The following EPHA4 variants were observed in gnomAD, a reference collection of about 807,000 sequenced individuals.
EPHA4 encodes ephrin type-A receptor 4.
EPHA4 carries 19 observed loss-of-function variants against 108.3 expected under a neutral mutation model. That is an observed-to-expected ratio of 0.18 (90% CI 0.12 to 0.26). The LOEUF (loss-of-function observed/expected upper bound fraction) is 0.26. EPHA4 is among the 10% of genes least tolerant of loss of function. The pLI, the probability that EPHA4 is intolerant of heterozygous loss-of-function variation, is 1.00. For missense variants in EPHA4, 917 were observed against 1,254.0 expected, an observed-to-expected ratio of 0.73 and a Z score of 4.06; for synonymous variants, 449 against 455.5, an observed-to-expected ratio of 0.99 and a Z score of 0.18.
At chr2:221,451,270 C>T (rs1260262932) in intron 8 of EPHA4, among the ~76,000 whole-genome samples, 1 of 152,092 alleles carries the variant, frequency 6.6e-6, no homozygotes, top group Non-Finnish European at 1.5e-5. Flanking sequence ...CTAAAATAAT[C>T]TGAATTAATA....
In EPHA4 at chr2:221,424,057, T is replaced by C. The variant is rs146727414; in HGVS notation, c.*819+1152A>G. On this transcript the variant is annotated intron_variant, in intron 17 of 17. Transcript: ENST00000281821. Reference sequence around the variant, plus strand: ...TGAGCCCAGGAGGCCAAGGTTGCAGTGAGCCAAGATTGCACCACTGCACTC... The same window carrying C: ...TGAGCCCAGGAGGCCAAGGTTGCAGCGAGCCAAGATTGCACCACTGCACTC... Among the ~76,000 whole-genome samples the C allele has an allele frequency of 9.8e-3, 1,486 of 152,060 alleles. 30 individuals carry two copies. The highest frequency in any genetic ancestry group is 0.034 in the African/African-American group (1,414 of 41,478).
At chr2:221,459,948 T>G (rs1691089244) in intron 5 of EPHA4, among the ~76,000 whole-genome samples, 1 of 152,200 alleles carries the variant, frequency 6.6e-6, no homozygotes, top group African/African-American at 2.4e-5. Flanking sequence ...TGCCTGCCCT[T>G]GGAGTGCACT....
At chr2:221,474,854 C>T (rs1453471035) in intron 5 of EPHA4, among the ~76,000 whole-genome samples, 1 of 152,020 alleles carries the variant, frequency 6.6e-6, no homozygotes, top group Non-Finnish European at 1.5e-5. Flanking sequence ...GAAGATAAGG[C>T]ACAGGAGCAG....
intron 3 of EPHA4, among the ~76,000 whole-genome samples, chr2:221,520,660 T>C (rs1468369704): frequency 6.6e-6 from 1 of 152,096 alleles, no homozygotes; most frequent in African/African-American, 2.4e-5. Flanking sequence ...AGTTTTAAAC[T>C]GAGTAGCCAA....
At chr2:221,525,378 C>A (rs1693292678) in intron 3 of EPHA4, among the ~76,000 whole-genome samples, 1 of 152,122 alleles carries the variant, frequency 6.6e-6, no homozygotes, top group Non-Finnish European at 1.5e-5. Flanking sequence ...AACGAGTTAC[C>A]ATATGCTCCG....
chr2:221,518,444 G>A (rs1693053799), intron 3 of EPHA4, among the ~76,000 whole-genome samples: 1 of 152,126 alleles, frequency 6.6e-6, no homozygotes, highest in Non-Finnish European at 1.5e-5. Context: ...CAGATCCATA[G>A]CAGCTGCAAA....
At chr2:221,465,047 AT>A (rs3835971) in intron 5 of EPHA4, among the ~76,000 whole-genome samples, 4,709 of 150,000 alleles carry the variant, frequency 0.031, 127 homozygotes, top group East Asian at 0.093. Context: ...TGAGAGATGC[AT>A]TTTTTTTTTC....
chr2:221,455,649 C>T lies in EPHA4; in HGVS notation c.1613G>A (p.Arg538Gln), dbSNP rs776382226. Residue 538 changes from arginine (R) to glutamine (Q), a missense_variant, in exon 8 of 18, where the codon CGG (arginine) becomes CAG (glutamine). By Grantham distance (43) the Arg-to-Gln change is conservative. Transcript: ENST00000281821. ...GGAGTTAGCCCCATCTCCAATGATC[C>T]GGGAAGGCACTGGGAATGACAATTG... The part of the protein sequence containing the change: ...LEVTTNTVPS[R>Q]IIGDGANSTV... 37 of 1,612,854 alleles carry T rather than the reference C, an allele frequency of 2.3e-5. No homozygotes were observed. Among genetic ancestry groups the T allele is most frequent in the South Asian group, 1.5e-4 (14 of 91,018 alleles).
rs561731113 is a variant in EPHA4 at position 221,481,858 on chromosome 2, T to C, written c.1318+494A>G. Among the ~76,000 whole-genome samples the C allele has an allele frequency of 6.6e-5, 10 of 152,310 alleles. No homozygotes were observed. The South Asian group carries it at 1.2e-3, about 19-fold the overall frequency. ...TATAACAAATACCAAAAGAGCACTC[T>C]GCATTGGTAAAAATCAATTTTATAA... On this transcript the variant is annotated intron_variant, in intron 5 of 17. Coordinates refer to ENST00000281821, the MANE Select transcript of EPHA4 (RefSeq NM_004438.5).
intron 7 of EPHA4, among the ~76,000 whole-genome samples, chr2:221,456,173 A>T (rs1574578438): frequency 9.4e-6 from 1 of 106,360 alleles, no homozygotes; most frequent in South Asian, 3.6e-4. Context: ...AAGGGTCTTT[A>T]AAAAAAAAAA....
At chr2:221,456,867 C>T (rs1690973234) in intron 6 of EPHA4, 95 bp from the exon 7 acceptor site, 1 of 1,380,644 alleles carries the variant, frequency 7.2e-7, no homozygotes, top group Non-Finnish European at 1.0e-6. Flanking sequence ...CCAGTCAACT[C>T]AGAAACTGAA....
At chr2:221,443,152 C>T (rs771363473) in intron 10 of EPHA4, 138 bp from the exon 11 acceptor site, 104 of 876,620 alleles carry the variant, frequency 1.2e-4, no homozygotes, top group Middle Eastern at 1.1e-3. Context: ...CAAAATCCTC[C>T]ATGCAACCCT....
chr2:221,479,413 G>A (rs1691753950), intron 5 of EPHA4, among the ~76,000 whole-genome samples: 1 of 152,208 alleles, frequency 6.6e-6, no homozygotes, highest in South Asian at 2.1e-4. Context: ...AAAGAACCCT[G>A]TGAAAACAGA....
chr2:221,570,028 T>G (rs1418283845), intron 1 of EPHA4, among the ~76,000 whole-genome samples: 2 of 138,418 alleles, frequency 1.4e-5, no homozygotes, highest in Non-Finnish European at 3.1e-5. Flanking sequence ...ACCGCAACCA[T>G]TCTCTTCTCT....
chr2:221,513,904 G>A (rs1692908438), intron 3 of EPHA4, among the ~76,000 whole-genome samples: 1 of 152,156 alleles, frequency 6.6e-6, no homozygotes, highest in African/African-American at 2.4e-5. Flanking sequence ...TCTAGACTAA[G>A]TGAAATTTAT....
intron 3 of EPHA4, among the ~76,000 whole-genome samples, chr2:221,502,211 C>A (rs1283692083): frequency 2.0e-5 from 3 of 152,040 alleles, no homozygotes; most frequent in Non-Finnish European, 4.4e-5. Flanking sequence ...CTTTTTCCTT[C>A]CCCCATGGCC....
intron 4 of EPHA4, among the ~76,000 whole-genome samples, chr2:221,498,468 G>A (rs1447125740): frequency 1.3e-5 from 2 of 152,180 alleles, no homozygotes; most frequent in Admixed American, 6.5e-5. Context: ...ATGGAACATA[G>A]CATGAAAATA....
intron 3 of EPHA4, among the ~76,000 whole-genome samples, chr2:221,563,211 C>A (rs1028497891): frequency 2.6e-5 from 4 of 152,090 alleles, no homozygotes; most frequent in Admixed American, 1.3e-4. Context: ...ATATCTCCAC[C>A]GGTCCACAAG....
At chr2:221,487,363 A>G (rs1450090129) in intron 4 of EPHA4, among the ~76,000 whole-genome samples, 1 of 152,184 alleles carries the variant, frequency 6.6e-6, no homozygotes, top group Non-Finnish European at 1.5e-5. Context: ...CAGCTGTGTA[A>G]CCAGCGACGG....
Sources: allele counts gnomAD v4.1 joint callset (sites outside exome capture counted in the v4.1 genomes callset), GRCh38; gene constraint gnomAD v4.1.1; transcripts MANE v1.5; gene names NCBI Gene and HGNC (gene_info 2026-07-23, HGNC 2026-07-21).